SGCD: variants seen among roughly 807,000 people sequenced by gnomAD.
The protein encoded by SGCD is sarcoglycan delta.
Under a neutral mutation model 36.6 loss-of-function variants are expected in SGCD, and 18 were observed. The ratio of observed to expected loss-of-function variants is 0.49; its 90% CI spans 0.34 to 0.73. The LOEUF is 0.73. SGCD is among the 30% of genes least tolerant of loss of function. The pLI, the probability that SGCD is intolerant of heterozygous loss-of-function variation, is 0.01. For missense variants in SGCD, 387 were observed against 346.7 expected (o/e 1.12, Z -0.92); for synonymous variants, 133 against 130.6 (o/e 1.02, Z -0.12).
intron 2 of SGCD, among the ~76,000 whole-genome samples, chr5:156,341,632 T>C (rs1768656562): frequency 6.6e-6 from 1 of 152,242 alleles, no homozygotes; most frequent in African/African-American, 2.4e-5. Context: ...TGGGAAGCTT[T>C]AATAAATACT....
intron 3 of SGCD, among the ~76,000 whole-genome samples, chr5:156,381,946 A>T (rs1771003179): frequency 6.6e-6 from 1 of 152,178 alleles, no homozygotes; most frequent in South Asian, 2.1e-4. Flanking sequence ...ATCTGTGTAA[A>T]TCACTTAACA....
At chr5:156,254,904 T>C (rs191802834) in intron 3 of SGCD, among the ~76,000 whole-genome samples, 5 of 152,286 alleles carry the variant, frequency 3.3e-5, no homozygotes, top group Admixed American at 3.3e-4. Flanking sequence ...AATTTTCTAG[T>C]ACAGATTGAG....
chr5:155,973,201 AT>A (rs1294107500), intron 1 of SGCD, among the ~76,000 whole-genome samples: 3 of 152,174 alleles, frequency 2.0e-5, no homozygotes, highest in Non-Finnish European at 4.4e-5. Flanking sequence ...AGTAATTATC[AT>A]TCTGTGGCTG....
At chr5:155,837,416 C>T in the SGCD span, among the ~76,000 whole-genome samples, 1 of 152,140 alleles carries the variant, frequency 6.6e-6, no homozygotes, top group African/African-American at 2.4e-5. Context: ...CCTCAACCTC[C>T]TGAAGTGCTG....
chr5:155,913,532 C>T (rs888279838), intron 1 of SGCD, among the ~76,000 whole-genome samples: 1 of 152,216 alleles, frequency 6.6e-6, no homozygotes, highest in African/African-American at 2.4e-5. Context: ...TTATCTAATC[C>T]TTAAATCTTT....
At chr5:155,847,547 G>T in the SGCD span, among the ~76,000 whole-genome samples, 1 of 152,282 alleles carries the variant, frequency 6.6e-6, no homozygotes, top group South Asian at 2.1e-4. Context: ...TGATAATAGA[G>T]TGTAATATAA....
intron 1 of SGCD, among the ~76,000 whole-genome samples, chr5:156,078,446 G>C (rs910184995): frequency 2.7e-5 from 4 of 150,168 alleles, no homozygotes; most frequent in African/African-American, 9.8e-5. Flanking sequence ...TTGGGAGGCA[G>C]AGGTTGCAGT....
At chr5:155,837,382 T>G in the SGCD span, among the ~76,000 whole-genome samples, 1 of 152,268 alleles carries the variant, frequency 6.6e-6, no homozygotes, top group South Asian at 2.1e-4. Flanking sequence ...GGTCTTGAAC[T>G]TCTGACCTCA....
chr5:156,438,683 C>T (rs1753358361), intron 3 of SGCD, among the ~76,000 whole-genome samples: 1 of 152,080 alleles, frequency 6.6e-6, no homozygotes, highest in South Asian at 2.1e-4. Context: ...TTTCTTTTCT[C>T]CTCCATTCTT....
At chr5:156,744,787 C>T (rs1756866793) in intron 7 of SGCD, among the ~76,000 whole-genome samples, 1 of 152,190 alleles carries the variant, frequency 6.6e-6, no homozygotes, top group Middle Eastern at 3.2e-3. Flanking sequence ...AAAGTTGGCA[C>T]ATCCATAATT....
At chr5:156,178,210 GA>G (rs902322114) in intron 3 of SGCD, among the ~76,000 whole-genome samples, 38 of 149,474 alleles carry the variant, frequency 2.5e-4, no homozygotes, top group East Asian at 1.4e-3. Context: ...ACCCCAAAGT[GA>G]AAAAAAAAAT....
At chr5:155,817,667 C>A in the SGCD span, among the ~76,000 whole-genome samples, 37 of 152,050 alleles carry the variant, frequency 2.4e-4, no homozygotes, top group Non-Finnish European at 4.7e-4. Flanking sequence ...TATGTAGGAC[C>A]AATGGAAAAT....
intron 3 of SGCD, among the ~76,000 whole-genome samples, chr5:156,478,651 G>C (rs1013575877): frequency 2.6e-5 from 4 of 152,210 alleles, no homozygotes; most frequent in African/African-American, 9.6e-5. Context: ...TGCAATCTCA[G>C]CTCACTGCAA....
intron 3 of SGCD, among the ~76,000 whole-genome samples, chr5:156,351,272 A>T (rs1769237385): frequency 6.6e-6 from 1 of 152,206 alleles, no homozygotes; most frequent in Non-Finnish European, 1.5e-5. Flanking sequence ...TGGAAGACCC[A>T]GTGAGTTAAT....
the SGCD span, among the ~76,000 whole-genome samples, chr5:155,796,346 A>C: frequency 6.6e-6 from 1 of 152,194 alleles, no homozygotes; most frequent in Non-Finnish European, 1.5e-5. Flanking sequence ...CACACTCTAA[A>C]TAATCTGTGT....
intron 3 of SGCD, among the ~76,000 whole-genome samples, chr5:156,320,206 A>C (rs1767622033): frequency 6.6e-6 from 1 of 151,614 alleles, no homozygotes; most frequent in East Asian, 1.9e-4. Context: ...TCATTCAAGA[A>C]GTTTACCATT....
intron 7 of SGCD, among the ~76,000 whole-genome samples, chr5:156,677,858 G>T (rs1048419486): frequency 6.6e-6 from 1 of 152,164 alleles, no homozygotes; most frequent in Non-Finnish European, 1.5e-5. Flanking sequence ...ATTCATTTAG[G>T]AAGGTTTTCA....
chr5:155,929,892 T>C (rs750818202), intron 1 of SGCD, among the ~76,000 whole-genome samples: 3 of 152,192 alleles, frequency 2.0e-5, no homozygotes, highest in Admixed American at 6.5e-5. Context: ...CTTATCTTGT[T>C]TTGATCCCTC....
chr5:156,182,089 A>G (rs1046553300), intron 3 of SGCD, among the ~76,000 whole-genome samples: 6 of 152,226 alleles, frequency 3.9e-5, no homozygotes, highest in African/African-American at 1.4e-4. Context: ...GTCAGATTCA[A>G]TGCAGTCCTA....
Sources: gnomAD v4.1 joint callset for allele counts (sites outside exome capture counted in the v4.1 genomes callset) on GRCh38, gnomAD v4.1.1 for gene constraint, MANE v1.5 for transcripts, NCBI Gene and HGNC (gene_info 2026-07-23, HGNC 2026-07-21) for gene names.